The following DLG2 variants were observed in gnomAD, a reference collection of about 807,000 sequenced individuals.
DLG2 encodes discs large MAGUK scaffold protein 2, also known as disks large homolog 2.
Under a neutral mutation model 132.5 loss-of-function variants are expected in DLG2, and 45 were observed. The observed-to-expected ratio is 0.34, with a 90% confidence interval of 0.27 to 0.44. The LOEUF is 0.44. Among genes scored for constraint, DLG2 ranks in the 20% least tolerant of loss-of-function variants. The pLI is 1.00. For missense variants in DLG2, 1,045 were observed against 1,196.9 expected (o/e 0.87, Z 1.87); for synonymous variants, 424 against 419.6 (o/e 1.01, Z -0.13).
chr11:85,422,910 T>C (rs2090431644), intron 3 of DLG2, among the ~76,000 whole-genome samples: 1 of 152,186 alleles, frequency 6.6e-6, no homozygotes, highest in Non-Finnish European at 1.5e-5. Context: ...CTGATTAGAT[T>C]AATAACTAAA....
At chr11:85,583,197 A>ACTCTGTTG (rs2078733825) in intron 3 of DLG2, among the ~76,000 whole-genome samples, 1 of 102,854 alleles carries the variant, frequency 9.7e-6, no homozygotes, top group African/African-American at 3.8e-5. Context: ...ACAGGGTCTC[A>ACTCTGTTG]CTCTGTTGCC....
chr11:84,062,699 T>C (rs1306621321), intron 10 of DLG2, among the ~76,000 whole-genome samples: 1 of 151,810 alleles, frequency 6.6e-6, no homozygotes, highest in African/African-American at 2.4e-5. Flanking sequence ...CTTCTACTGA[T>C]ACAAAGATAC....
intron 7 of DLG2, among the ~76,000 whole-genome samples, chr11:84,358,739 C>T (rs2098632652): frequency 6.6e-6 from 1 of 151,838 alleles, no homozygotes; most frequent in African/African-American, 2.4e-5. Flanking sequence ...AACTGAATGA[C>T]TTATGTGTAA....
chr11:85,427,778 A>C (rs1177647531), intron 3 of DLG2, among the ~76,000 whole-genome samples: 1 of 152,224 alleles, frequency 6.6e-6, no homozygotes, highest in Non-Finnish European at 1.5e-5. Context: ...ACATAACACT[A>C]TTAACTTTAA....
chr11:85,199,414 G>T (rs908799069), intron 4 of DLG2, among the ~76,000 whole-genome samples: 9 of 152,198 alleles, frequency 5.9e-5, no homozygotes, highest in Admixed American at 6.5e-5. Flanking sequence ...TTCTAAAGAT[G>T]CATCAGAGAA....
At chr11:85,453,014 TA>T (rs2092302559) in intron 3 of DLG2, 3 of 182,958 alleles carry the variant, frequency 1.6e-5, no homozygotes, top group East Asian at 1.4e-4. Flanking sequence ...CCATCTCTGC[TA>T]AAGGCACGGC....
rs148151153 is a variant in DLG2 at position 83,716,802 on chromosome 11, T to C, written c.1825+69888A>G. On this transcript the variant is annotated intron_variant, in intron 18 of 27. Transcript: ENST00000376104. ...CAATGCTTTAATGTATTTGGTTTTT[T>C]ATAAGTCTTTCTTTTACTAGACTTT... Among the ~76,000 whole-genome samples the C allele has an allele frequency of 1.2e-4, 19 of 152,386 alleles. No individual in the cohort carries two copies. The East Asian group carries it at 3.7e-3, about 29-fold the overall frequency.
intron 6 of DLG2, among the ~76,000 whole-genome samples, chr11:84,579,097 A>G (rs542876653): frequency 3.3e-5 from 5 of 152,178 alleles, no homozygotes; most frequent in Admixed American, 6.5e-5. Flanking sequence ...ATGTGGAACT[A>G]TAAGTCCAAT....
At chr11:85,381,890 ATTG>A (rs748172898) in intron 3 of DLG2, among the ~76,000 whole-genome samples, 3 of 152,128 alleles carry the variant, frequency 2.0e-5, no homozygotes, top group Non-Finnish European at 4.4e-5. Context: ...AGAACGCAAT[ATTG>A]TTAAGATGGC....
chr11:85,240,702 A>G (rs1255692815), intron 4 of DLG2, among the ~76,000 whole-genome samples: 1 of 151,792 alleles, frequency 6.6e-6, no homozygotes, highest in Non-Finnish European at 1.5e-5. Flanking sequence ...TTTATATATC[A>G]ACATTTCACA....
intron 3 of DLG2, among the ~76,000 whole-genome samples, chr11:85,580,725 T>A (rs1372527001): frequency 1.3e-5 from 2 of 152,174 alleles, no homozygotes; most frequent in East Asian, 3.8e-4. Flanking sequence ...ACCCAGGCAA[T>A]CTGGCTCCAG....
At chr11:85,581,894 G>A (rs1035735379) in intron 3 of DLG2, among the ~76,000 whole-genome samples, 2 of 152,168 alleles carry the variant, frequency 1.3e-5, no homozygotes, top group African/African-American at 2.4e-5. Context: ...TGAAGAAGGT[G>A]AGGTATATTG....
At chr11:84,959,915 G>T (rs7929552) in intron 6 of DLG2, among the ~76,000 whole-genome samples, 13,806 of 152,234 alleles carry the variant, frequency 0.091, 741 homozygotes, top group Middle Eastern at 0.22. Flanking sequence ...TTAAGTAAAG[G>T]CTTAGAAATT....
chr11:84,841,381 T>C (rs1032056413), intron 6 of DLG2, among the ~76,000 whole-genome samples: 13 of 152,136 alleles, frequency 8.5e-5, no homozygotes, highest in Middle Eastern at 6.8e-3. Context: ...GAGAATTTTG[T>C]TGTTTTCCAT....
At position 83,675,562 on chromosome 11, in the gene DLG2, G is replaced by C. The variant is rs76363650; in HGVS notation, c.1826-42237C>G. Among the ~76,000 whole-genome samples the C allele has an allele frequency of 7.4e-3, 1,122 of 152,244 alleles. 11 individuals are homozygous for C. The highest frequency in any genetic ancestry group is 0.025 in the African/African-American group (1,050 of 41,546). On this transcript the variant is annotated intron_variant, in intron 18 of 27. Coordinates refer to ENST00000376104, the MANE Select transcript of DLG2 (RefSeq NM_001142699.3). ...TGAGCCTGGTAACATATATTTTAAA[G>C]TTCACATTGATTGACTCCAAATCTG...
chr11:84,067,143 A>T (rs1191960918), intron 10 of DLG2, among the ~76,000 whole-genome samples: 1 of 151,840 alleles, frequency 6.6e-6, no homozygotes, highest in African/African-American at 2.4e-5. Context: ...GACCAGCCAG[A>T]CCAACATGGT....
chr11:83,914,482 C>T (rs2076592043), intron 15 of DLG2, among the ~76,000 whole-genome samples: 1 of 152,152 alleles, frequency 6.6e-6, no homozygotes, highest in African/African-American at 2.4e-5. Context: ...TTCTAGATTC[C>T]TCCTACTGAT....
At chr11:83,961,275 T>C (rs1305198284) in intron 14 of DLG2, among the ~76,000 whole-genome samples, 1 of 152,056 alleles carries the variant, frequency 6.6e-6, no homozygotes, top group Non-Finnish European at 1.5e-5. Flanking sequence ...CAGTCAGTGG[T>C]AGAGGTAGGT....
intron 7 of DLG2, among the ~76,000 whole-genome samples, chr11:84,356,396 G>C (rs11821719): frequency 0.054 from 8,239 of 152,058 alleles, 746 homozygotes; most frequent in African/African-American, 0.19. Context: ...AACAAACAAA[G>C]AACCTGTATA....
Sources: gnomAD v4.1 joint callset for allele counts (sites outside exome capture counted in the v4.1 genomes callset) on GRCh38, gnomAD v4.1.1 for gene constraint, MANE v1.5 for transcripts, NCBI Gene and HGNC (gene_info 2026-07-23, HGNC 2026-07-21) for gene names.